ZCWPW2: variants seen among roughly 807,000 people sequenced by gnomAD.
ZCWPW2 encodes the protein zinc finger CW-type PWWP domain protein 2.
Under a neutral mutation model 46.6 loss-of-function variants are expected in ZCWPW2, and 45 were observed. That is an observed-to-expected ratio of 0.96 (90% confidence interval 0.76 to 1.24). ZCWPW2 has a LOEUF of 1.24. Among genes scored for constraint, ZCWPW2 ranks in the 50% most tolerant of loss-of-function variants. ZCWPW2 has a pLI of 0.00. For missense variants in ZCWPW2, 429 were observed against 403.9 expected, an observed-to-expected ratio of 1.06 and a Z score of -0.53; for synonymous variants, 152 against 137.1, an observed-to-expected ratio of 1.11 and a Z score of -0.76.
At chr3:28,356,429 T>C (rs188573528) in intron 1 of ZCWPW2, among the ~76,000 whole-genome samples, 4 of 152,350 alleles carry the variant, frequency 2.6e-5, no homozygotes. Flanking sequence ...GTTCAACTGC[T>C]GTGGAAGACA....
chr3:28,424,961 A>G (rs566075129), intron 3 of ZCWPW2, among the ~76,000 whole-genome samples: 10 of 152,310 alleles, frequency 6.6e-5, no homozygotes, highest in African/African-American at 1.7e-4. Flanking sequence ...CTTGTCTCTA[A>G]TTAACATTTT....
rs754412368 is a variant in ZCWPW2 at position 28,521,006 on chromosome 3, G to T, written c.799G>T (p.Glu267Ter). 4 of 1,613,338 alleles carry T rather than the reference G, an allele frequency of 2.5e-6. No homozygotes were observed. Among genetic ancestry groups the T allele is most frequent in the Non-Finnish European group, 3.4e-6 (4 of 1,179,768 alleles). Reference sequence around the variant, plus strand: ...TGTTTTTTTAGTTGTCTGTGAGACGGAAGTTTTACTAAAAGAGCTGGAGCA... The same window carrying T: ...TGTTTTTTTAGTTGTCTGTGAGACGTAAGTTTTACTAAAAGAGCTGGAGCA... The part of the protein sequence containing the change: ...SKENRVVCET[E>*]VLLKELEQML... Residue 267 changes from glutamate to a stop codon, truncating the protein, a stop_gained, in exon 9 of 10, where the codon GAA (glutamate) becomes TAA (stop). Transcript: ENST00000383768. LOFTEE classifies it high-confidence loss of function.
intron 1 of ZCWPW2, among the ~76,000 whole-genome samples, chr3:28,352,222 C>A (rs1300691701): frequency 6.6e-6 from 1 of 151,476 alleles, no homozygotes; most frequent in Non-Finnish European, 1.5e-5. Context: ...CTGTGTGTAT[C>A]CAAACCTGTG....
chr3:28,397,641 G>C (rs1302040693), intron 2 of ZCWPW2, among the ~76,000 whole-genome samples: 3 of 152,154 alleles, frequency 2.0e-5, no homozygotes, highest in African/African-American at 7.2e-5. Flanking sequence ...CTGCACTCCA[G>C]CCTGGGTGAC....
chr3:28,524,335 C>G (rs960151174), intron 9 of ZCWPW2, among the ~76,000 whole-genome samples, 192 bp from the exon 10 acceptor site: 1 of 151,830 alleles, frequency 6.6e-6, no homozygotes, highest in Admixed American at 6.6e-5. Flanking sequence ...AGACACAGAC[C>G]TAAATAATAA....
At position 28,406,013 on chromosome 3, in the gene ZCWPW2, G is replaced by T. The variant is rs532832769; in HGVS notation, c.-13-7043G>T. 1.6e-3 allele frequency among the ~76,000 whole-genome samples: 242 copies of T among 152,244 alleles called. 1 individual carries two copies. The highest frequency in any genetic ancestry group is 0.015 in the South Asian group (72 of 4,820). ...GTGGCAAAGAACTTGGCTCAATTGT[G>T]TTCATGTTCTAGTGTTTTGTGGAAG... On this transcript the variant is annotated intron_variant, in intron 2 of 9. Coordinates refer to ENST00000383768, the MANE Select transcript of ZCWPW2 (RefSeq NM_001040432.4).
intron 6 of ZCWPW2, among the ~76,000 whole-genome samples, chr3:28,493,150 G>GTTT (rs11426112): frequency 1.5e-4 from 12 of 82,050 alleles, no homozygotes; most frequent in Non-Finnish European, 2.1e-4. Flanking sequence ...TTTTTTTAAT[G>GTTT]TTTTTTTTTT....
At chr3:28,472,815 A>G (rs151260013) in intron 4 of ZCWPW2, among the ~76,000 whole-genome samples, 2 of 152,306 alleles carry the variant, frequency 1.3e-5, no homozygotes, top group East Asian at 3.9e-4. Flanking sequence ...AATATTTGCA[A>G]ACTACCCATT....
intron 1 of ZCWPW2, among the ~76,000 whole-genome samples, chr3:28,368,280 G>T (rs921759156): frequency 1.3e-5 from 2 of 152,090 alleles, no homozygotes; most frequent in African/African-American, 4.8e-5. Flanking sequence ...GCAGTGGCTG[G>T]TACCGATTGT....
intron 1 of ZCWPW2, among the ~76,000 whole-genome samples, chr3:28,356,288 A>G (rs1704727944): frequency 6.6e-6 from 1 of 152,188 alleles, no homozygotes; most frequent in Non-Finnish European, 1.5e-5. Context: ...AATGCAAATC[A>G]CAACCACAAT....
intron 1 of ZCWPW2, among the ~76,000 whole-genome samples, chr3:28,381,652 T>C (rs1420816990): frequency 6.6e-6 from 1 of 152,078 alleles, no homozygotes; most frequent in East Asian, 1.9e-4. Flanking sequence ...ATGAGCATGG[T>C]GGCACACGGC....
At chr3:28,375,928 A>G (rs1705487176) in intron 1 of ZCWPW2, among the ~76,000 whole-genome samples, 1 of 151,948 alleles carries the variant, frequency 6.6e-6, no homozygotes, top group African/African-American at 2.4e-5. Flanking sequence ...TCTCTTAATA[A>G]CATAATGTCC....
At chr3:28,375,366 C>A (rs557276355) in intron 1 of ZCWPW2, among the ~76,000 whole-genome samples, 1 of 152,104 alleles carries the variant, frequency 6.6e-6, no homozygotes, top group South Asian at 2.1e-4. Context: ...TAAGTAAGGA[C>A]TTAACTACTG....
At chr3:28,376,020 C>G (rs931645620) in intron 1 of ZCWPW2, among the ~76,000 whole-genome samples, 1 of 151,976 alleles carries the variant, frequency 6.6e-6, no homozygotes, top group Non-Finnish European at 1.5e-5. Flanking sequence ...ATATGTACCA[C>G]ATTTTCTTTA....
At chr3:28,494,612 C>T (rs1471802072) in intron 6 of ZCWPW2, among the ~76,000 whole-genome samples, 3 of 148,320 alleles carry the variant, frequency 2.0e-5, no homozygotes, top group Non-Finnish European at 3.0e-5. Flanking sequence ...AAAGGGTATT[C>T]AATTAGGAAA....
At chr3:28,434,010 A>G (rs991403920) in intron 3 of ZCWPW2, among the ~76,000 whole-genome samples, 5 of 149,440 alleles carry the variant, frequency 3.3e-5, no homozygotes, top group African/African-American at 1.2e-4. Context: ...TTTACTGTTT[A>G]AAATTACAGA....
rs1056804026 is a variant in ZCWPW2, at chr3:28,466,773, G to A, written c.493-12041G>A. The stretch of plus-strand genomic sequence containing the variant: ...GAGATTGCACCACTGGACTCCAGCC[G>A]GGGTGACGAGCAAGACTCTGTCTCA... On this transcript the variant is annotated intron_variant, in intron 4 of 9. Transcript: ENST00000383768. Among the ~76,000 whole-genome samples, 6 of 152,040 alleles carry A rather than the reference G, an allele frequency of 3.9e-5. No individual in the cohort carries two copies. The East Asian group carries it at 5.8e-4, about 15-fold the overall frequency.
intron 3 of ZCWPW2, among the ~76,000 whole-genome samples, chr3:28,428,714 G>C (rs1192839959): frequency 6.6e-6 from 1 of 152,136 alleles, no homozygotes; most frequent in African/African-American, 2.4e-5. Flanking sequence ...ATTAGAACAT[G>C]GGAGCAATTC....
chr3:28,506,537 G>GC (rs1410735310), intron 6 of ZCWPW2, among the ~76,000 whole-genome samples: 3 of 151,970 alleles, frequency 2.0e-5, no homozygotes, highest in South Asian at 4.2e-4. Flanking sequence ...TTGAATAGTG[G>GC]CCCCAAAAAG....
Sources: gnomAD v4.1 joint callset for allele counts (sites outside exome capture counted in the v4.1 genomes callset) on GRCh38, gnomAD v4.1.1 for gene constraint, MANE v1.5 for transcripts, NCBI Gene and HGNC (gene_info 2026-07-23, HGNC 2026-07-21) for gene names.